PHF24: variants seen among roughly 807,000 people sequenced by gnomAD.
PHF24 encodes the protein Galpha inhibitory interacting protein.
In PHF24, 25 loss-of-function variants were observed where a neutral mutation model predicts 42.6. That is an observed-to-expected ratio of 0.59 (90% CI 0.43 to 0.82). The LOEUF (loss-of-function observed/expected upper bound fraction) is 0.82. Among genes scored for constraint, PHF24 ranks in the 40% least tolerant of loss-of-function variants. The probability of loss-of-function intolerance (pLI) is 0.00; values close to 1 mark genes in which losing one functional copy is unlikely to be tolerated. For synonymous variants in PHF24, 185 were observed against 204.8 expected, an observed-to-expected ratio of 0.90 and a Z score of 0.83; for missense variants, 470 against 538.1, an observed-to-expected ratio of 0.87 and a Z score of 1.25.
chr9:34,675,100 C>T, the PHF24 span, among the ~76,000 whole-genome samples: 1 of 152,274 alleles, frequency 6.6e-6, no homozygotes, highest in South Asian at 2.1e-4. Flanking sequence ...TCAAGTGATC[C>T]TCCCGCCTTG....
chr9:34,913,197 G>A, the PHF24 span, among the ~76,000 whole-genome samples: 5 of 152,094 alleles, frequency 3.3e-5, no homozygotes, highest in Non-Finnish European at 7.4e-5. Context: ...GGACTTTGGG[G>A]ACAATATCAA....
the PHF24 span, among the ~76,000 whole-genome samples, chr9:34,736,504 C>G: frequency 6.6e-6 from 1 of 152,050 alleles, no homozygotes; most frequent in African/African-American, 2.4e-5. Flanking sequence ...TAGGGGTCTC[C>G]CTATGTTGCC....
At chr9:34,886,826 G>GTATCTATC in the PHF24 span, among the ~76,000 whole-genome samples, 405 of 80,866 alleles carry the variant, frequency 5.0e-3, 2 homozygotes, top group Non-Finnish European at 8.2e-3. Context: ...ATGTATCTAT[G>GTATCTATC]TATCTATGTA....
the PHF24 span, among the ~76,000 whole-genome samples, chr9:34,803,588 T>C: frequency 1.3e-5 from 2 of 152,182 alleles, no homozygotes; most frequent in African/African-American, 4.8e-5. Flanking sequence ...TAAATGGTTC[T>C]GCTATTCTTC....
chr9:34,936,544 G>A, the PHF24 span, among the ~76,000 whole-genome samples: 1 of 151,276 alleles, frequency 6.6e-6, no homozygotes, highest in Non-Finnish European at 1.5e-5. Flanking sequence ...TCTGGGATGT[G>A]AGGAGCCCCT....
chr9:34,673,110 C>T, the PHF24 span, among the ~76,000 whole-genome samples: 1 of 152,228 alleles, frequency 6.6e-6, no homozygotes, highest in Non-Finnish European at 1.5e-5. Flanking sequence ...AAACCCAGCA[C>T]TTTGGAAGGC....
At chr9:34,789,756 G>A in the PHF24 span, among the ~76,000 whole-genome samples, 1 of 152,196 alleles carries the variant, frequency 6.6e-6, no homozygotes, top group Non-Finnish European at 1.5e-5. Flanking sequence ...TATCTATTTA[G>A]GAATAGGACA....
the PHF24 span, among the ~76,000 whole-genome samples, chr9:34,883,221 G>T: frequency 6.6e-6 from 1 of 152,070 alleles, no homozygotes; most frequent in African/African-American, 2.4e-5. Context: ...ATTCAAGATG[G>T]ATTAAAGACT....
the PHF24 span, among the ~76,000 whole-genome samples, chr9:34,666,944 C>CAAACA: frequency 0.03 from 4,491 of 152,178 alleles, 213 homozygotes; most frequent in African/African-American, 0.1. Context: ...GACTCCGTCT[C>CAAACA]AAACAAAACA....
the PHF24 span, chr9:34,835,928 A>G: frequency 2.6e-6 from 2 of 770,068 alleles, no homozygotes; most frequent in Non-Finnish European, 4.6e-6. Context: ...AAAGTTGGGG[A>G]GATCTAGTCA....
At chr9:34,916,902 A>T in the PHF24 span, among the ~76,000 whole-genome samples, 1 of 152,254 alleles carries the variant, frequency 6.6e-6, no homozygotes, top group Non-Finnish European at 1.5e-5. Context: ...CACGGACAAT[A>T]ATATTGCAAA....
chr9:34,887,766 A>T, the PHF24 span, among the ~76,000 whole-genome samples: 1 of 151,912 alleles, frequency 6.6e-6, no homozygotes, highest in East Asian at 1.9e-4. Context: ...TATGTTTTTT[A>T]TTTATACTTC....
chr9:34,711,802 C>G, the PHF24 span, among the ~76,000 whole-genome samples: 1 of 152,286 alleles, frequency 6.6e-6, no homozygotes, highest in South Asian at 2.1e-4. Flanking sequence ...CTTGGCCTCC[C>G]AAAGTGCTGG....
At chr9:34,762,815 GTT>G in the PHF24 span, among the ~76,000 whole-genome samples, 1 of 152,190 alleles carries the variant, frequency 6.6e-6, no homozygotes, top group South Asian at 2.1e-4. Flanking sequence ...TTCTTCTAGG[GTT>G]TTTATGGTTT....
the PHF24 span, among the ~76,000 whole-genome samples, chr9:34,778,224 T>C: frequency 6.6e-6 from 1 of 152,136 alleles, no homozygotes; most frequent in African/African-American, 2.4e-5. Context: ...AAGAAAGACA[T>C]GAGACACGTA....
At chr9:34,953,859 C>T (rs758597366), upstream of PHF24, among the ~76,000 whole-genome samples, 10 of 152,010 alleles carry the variant, frequency 6.6e-5, no homozygotes, top group Non-Finnish European at 8.8e-5. The surrounding 1 kb of genome is among the most constrained non-coding windows in gnomAD (Gnocchi z 4.1). Flanking sequence ...TAGCTTGAGC[C>T]TGGGAGGTCA....
At chr9:34,787,127 T>C in the PHF24 span, among the ~76,000 whole-genome samples, 1 of 151,996 alleles carries the variant, frequency 6.6e-6, no homozygotes, top group East Asian at 1.9e-4. Flanking sequence ...TTTCAAAAAA[T>C]CAGGGACATT....
chr9:34,824,832 C>T, the PHF24 span, among the ~76,000 whole-genome samples: 106 of 152,272 alleles, frequency 7.0e-4, 2 homozygotes, highest in African/African-American at 2.5e-3. Context: ...AGGCATTAAG[C>T]TGCTGGGGAG....
chr9:34,945,061 T>G, the PHF24 span, among the ~76,000 whole-genome samples: 1 of 152,088 alleles, frequency 6.6e-6, no homozygotes, highest in Non-Finnish European at 1.5e-5. Context: ...TATGCACTGT[T>G]CCCCCCATGT....
Sources: allele counts gnomAD v4.1 joint callset (sites outside exome capture counted in the v4.1 genomes callset), GRCh38; gene constraint gnomAD v4.1.1; non-coding constraint Gnocchi (gnomAD v3.1); transcripts MANE v1.5; gene names NCBI Gene and HGNC (gene_info 2026-07-23, HGNC 2026-07-21).